Variants in THSD7B observed in about 807,000 individuals in gnomAD.
THSD7B encodes the protein thrombospondin type-1 domain-containing protein 7B.
Under a neutral mutation model 213.6 loss-of-function variants are expected in THSD7B, and 138 were observed. The observed-to-expected ratio is 0.65, with a 90% CI of 0.56 to 0.74. The LOEUF is 0.74. Among genes scored for constraint, THSD7B ranks in the 30% least tolerant of loss-of-function variants. The pLI is 0.00. For missense variants in THSD7B, 1,931 were observed against 1,991.5 expected (o/e 0.97, Z 0.58); for synonymous variants, 742 against 687.0 (o/e 1.08, Z -1.25).
At chr2:137,191,079 C>G (rs568690413) in intron 7 of THSD7B, among the ~76,000 whole-genome samples, 19 of 152,354 alleles carry the variant, frequency 1.2e-4, no homozygotes, top group African/African-American at 4.6e-4. Context: ...AGCAGGGTTT[C>G]TCTCATGAAG....
intron 17 of THSD7B, among the ~76,000 whole-genome samples, chr2:137,607,954 C>T (rs1486291367): frequency 2.6e-5 from 4 of 152,128 alleles, no homozygotes; most frequent in Non-Finnish European, 5.9e-5. Context: ...TATGCATCAT[C>T]CTAACTTCCT....
chr2:137,162,942 T>C (rs924527846), intron 6 of THSD7B, among the ~76,000 whole-genome samples: 1 of 152,208 alleles, frequency 6.6e-6, no homozygotes, highest in African/African-American at 2.4e-5. Flanking sequence ...GTGTTTTTAG[T>C]AGAGACGGGG....
chr2:137,622,860 C>T (rs1018152683), intron 20 of THSD7B, among the ~76,000 whole-genome samples: 3 of 152,106 alleles, frequency 2.0e-5, no homozygotes, highest in Admixed American at 1.3e-4. Flanking sequence ...CAAAAAAAGT[C>T]CAGGACCAGA....
intron 7 of THSD7B, 23 bp from the exon 8 acceptor site, chr2:137,231,021 T>A (rs771539978): frequency 6.2e-7 from 1 of 1,605,274 alleles, no homozygotes; most frequent in East Asian, 2.2e-5. Context: ...AATCACCAAC[T>A]GTCTTGATCT....
At chr2:136,995,119 G>C (rs1223423660) in intron 2 of THSD7B, among the ~76,000 whole-genome samples, 1 of 152,192 alleles carries the variant, frequency 6.6e-6, no homozygotes, top group Non-Finnish European at 1.5e-5. Flanking sequence ...ATCTGGAGTA[G>C]AGTAGGGTAG....
Position 136,910,691 on chromosome 2 carries a change from A to G in THSD7B, c.139+28374A>G, listed in dbSNP as rs79119299. On this transcript the variant is annotated intron_variant, in intron 2 of 27. Coordinates refer to ENST00000409968, the MANE Select transcript of THSD7B (RefSeq NM_001316349.2). ...TTATGAATGTGGATTCTGGAAACAC[A>G]TAAACATGAGTTTGAATGCCGGTTT... 4.9e-3 allele frequency among the ~76,000 whole-genome samples: 753 copies of G among 152,320 alleles called. 8 individuals are homozygous for G. The highest frequency in any genetic ancestry group is 0.017 in the African/African-American group (710 of 41,576).
At chr2:137,201,558 C>T (rs1420849833) in intron 7 of THSD7B, among the ~76,000 whole-genome samples, 1 of 152,116 alleles carries the variant, frequency 6.6e-6, no homozygotes, top group Non-Finnish European at 1.5e-5. Context: ...TATTAAAACA[C>T]ATTGTACTCC....
At chr2:137,002,146 A>G (rs1686011627) in intron 2 of THSD7B, among the ~76,000 whole-genome samples, 1 of 152,052 alleles carries the variant, frequency 6.6e-6, no homozygotes, top group African/African-American at 2.4e-5. Context: ...CCTAATATTC[A>G]TCTTTTACAG....
intron 12 of THSD7B, among the ~76,000 whole-genome samples, chr2:137,360,686 C>T (rs1685235178): frequency 6.6e-6 from 1 of 152,116 alleles, no homozygotes; most frequent in African/African-American, 2.4e-5. Flanking sequence ...GGCTTGAGTA[C>T]ATAAACAAAG....
intron 2 of THSD7B, among the ~76,000 whole-genome samples, chr2:136,965,165 CTTCATA>C (rs1309349840): frequency 6.6e-6 from 1 of 152,078 alleles, no homozygotes; most frequent in East Asian, 1.9e-4. Flanking sequence ...AGTTCTTTGT[CTTCATA>C]TTATCTGCCT....
chr2:137,572,963 TTC>T (rs1240746632), intron 17 of THSD7B, among the ~76,000 whole-genome samples: 1 of 152,128 alleles, frequency 6.6e-6, no homozygotes, highest in African/African-American at 2.4e-5. Context: ...GTGATTTAGC[TTC>T]TGTTAGTGAT....
At chr2:137,512,002 A>C (rs189006806) in intron 15 of THSD7B, 1 of 152,186 alleles carries the variant, frequency 6.6e-6, no homozygotes, top group African/African-American at 2.4e-5. Flanking sequence ...CAAAATCACT[A>C]TTCTTACCTG....
chr2:136,778,615 C>A (rs144576495), intron 1 of THSD7B, among the ~76,000 whole-genome samples: 3 of 152,098 alleles, frequency 2.0e-5, no homozygotes, highest in African/African-American at 7.2e-5. Flanking sequence ...CCTCTGTTAC[C>A]GATCTAATAA....
intron 1 of THSD7B, among the ~76,000 whole-genome samples, chr2:136,786,981 C>T (rs934058139): frequency 6.6e-6 from 1 of 152,096 alleles, no homozygotes; most frequent in Non-Finnish European, 1.5e-5. Context: ...CAGATTTTAG[C>T]AGTCTTTGAG....
At chr2:137,243,500 C>G (rs1681959864) in intron 10 of THSD7B, among the ~76,000 whole-genome samples, 1 of 152,214 alleles carries the variant, frequency 6.6e-6, no homozygotes. Context: ...GAGCATGGCT[C>G]TCTTGCTGCA....
intron 27 of THSD7B, among the ~76,000 whole-genome samples, chr2:137,673,211 CTTAA>C (rs1683617256): frequency 6.6e-6 from 1 of 152,164 alleles, no homozygotes; most frequent in Non-Finnish European, 1.5e-5. Context: ...ACTTTTCTGG[CTTAA>C]TTCATTTTTG....
At chr2:136,802,639 TTATATATATATATATATATATATATA>T (rs56719114) in intron 1 of THSD7B, among the ~76,000 whole-genome samples, 34 of 57,382 alleles carry the variant, frequency 5.9e-4, no homozygotes, top group East Asian at 2.8e-3. Context: ...TGAATTAAGT[TTATATATATATATATATATATATATA>T]TATATATATA....
intron 7 of THSD7B, among the ~76,000 whole-genome samples, chr2:137,212,067 A>G (rs1268459642): frequency 1.3e-5 from 2 of 152,064 alleles, no homozygotes; most frequent in East Asian, 3.9e-4. Flanking sequence ...ATTTTTGGTG[A>G]TGTTTTCTAA....
chr2:137,367,867 T>G (rs1272808735), intron 12 of THSD7B, among the ~76,000 whole-genome samples: 1 of 152,116 alleles, frequency 6.6e-6, no homozygotes, highest in Non-Finnish European at 1.5e-5. Flanking sequence ...ATCATGACGT[T>G]CCCACCCTCA....
Sources: gnomAD v4.1 joint callset for allele counts (sites outside exome capture counted in the v4.1 genomes callset) on GRCh38, gnomAD v4.1.1 for gene constraint, MANE v1.5 for transcripts, NCBI Gene and HGNC (gene_info 2026-07-23, HGNC 2026-07-21) for gene names.